CPAMD8: variants seen among roughly 807,000 people sequenced by gnomAD.
CPAMD8 encodes the protein C3 and PZP-like alpha-2-macroglobulin domain-containing protein 8.
Under a neutral mutation model 224.7 loss-of-function variants are expected in CPAMD8, and 146 were observed. That is an observed-to-expected ratio of 0.65 (90% CI 0.57 to 0.75). The LOEUF is 0.75. Among genes scored for constraint, CPAMD8 ranks in the 30% least tolerant of loss-of-function variants. CPAMD8 has a pLI of 0.00. For synonymous variants in CPAMD8, 966 were observed against 1,044.6 expected (o/e 0.92, Z 1.45); for missense variants, 2,301 against 2,537.5 (o/e 0.91, Z 2.00).
intron 2 of CPAMD8, 126 bp downstream of exon 2, chr19:17,021,903 TG>T: frequency 5.7e-6 from 2 of 350,736 alleles, no homozygotes; most frequent in Non-Finnish European, 5.7e-6. Context: ...CTCCCTCCCA[TG>T]CCCCTGGGGA....
At chr19:17,014,114 C>T (rs1181336949) in intron 3 of CPAMD8, among the ~76,000 whole-genome samples, 4 of 151,600 alleles carry the variant, frequency 2.6e-5, no homozygotes, top group African/African-American at 7.3e-5. Flanking sequence ...TCCAATGGTG[C>T]GATCAGAGCT....
chr19:16,954,841 G>A (rs939889439), intron 19 of CPAMD8, among the ~76,000 whole-genome samples: 1 of 152,016 alleles, frequency 6.6e-6, no homozygotes, highest in African/African-American at 2.4e-5. Flanking sequence ...AAATTAGCTA[G>A]GCATTGGCTG....
intron 13 of CPAMD8, among the ~76,000 whole-genome samples, chr19:16,984,297 G>A (rs2055629161): frequency 7.6e-6 from 1 of 130,896 alleles, no homozygotes; most frequent in Non-Finnish European, 1.5e-5. Context: ...CTGGGTGACA[G>A]AGCAAGGTCC....
chr19:16,894,812 T>G lies in CPAMD8; in HGVS notation c.5426+1364A>C, dbSNP rs1280645708. 4 of 259,744 alleles carry G rather than the reference T, an allele frequency of 1.5e-5. No individual in the cohort carries two copies. In the Admixed American group the frequency reaches 1.7e-4, roughly 11 times the overall value. 16.1% of individuals were successfully genotyped at this position (259,744 alleles called of 1,614,324 possible). On this transcript the variant is annotated intron_variant, in intron 41 of 41. Coordinates refer to ENST00000443236, the MANE Select transcript of CPAMD8 (RefSeq NM_015692.5). ...ATCCCAAAGCTTTGGGAGACTGAGA[T>G]GGGAGGATCACTTGAGCCCAGGAAT...
At chr19:17,012,350 C>CTTTCT (rs1555790833) in intron 3 of CPAMD8, among the ~76,000 whole-genome samples, 5 of 74,388 alleles carry the variant, frequency 6.7e-5, no homozygotes, top group African/African-American at 1.7e-4. Flanking sequence ...TTCTTTCTTT[C>CTTTCT]TTTTTTTTTT....
rs895696182 is a variant in CPAMD8, at chr19:16,962,271, C to T, written c.2214-4356G>A. 4.6e-5 allele frequency among the ~76,000 whole-genome samples: 7 copies of T among 152,254 alleles called. No homozygotes were observed. In the South Asian group the frequency reaches 6.2e-4, roughly 14 times the overall value. ...GCTAAAGGAGCACGTTCAAACCCAT[C>T]GCAAGGAAGCTAAAAACCTTGAATA... On this transcript the variant is annotated intron_variant, in intron 18 of 41. Transcript: ENST00000443236.
Position 17,002,284 on chromosome 19 carries a change from G to T in CPAMD8, c.740C>A (p.Thr247Lys), listed in dbSNP as rs199556504. The T allele has an allele frequency of 3.6e-5, 58 of 1,600,954 alleles. No individual in the cohort carries two copies. In the South Asian group the frequency reaches 4.1e-4, roughly 11 times the overall value. ...TTCTCACCTGGCCCGCACAGTGCCT[G>T]TCTCACAGGCGTCCAGGTCTTGGAT... ...RYIQDLDACE[T>K]GTVRARYTFG... The change falls in exon 9 of 42, where the codon ACA (threonine) becomes AAA (lysine). Residue 247 changes from threonine (T) to lysine (K), a missense_variant. By Grantham distance (78) the Thr-to-Lys change is moderately conservative (BLOSUM62 -1). Coordinates refer to ENST00000443236, the MANE Select transcript of CPAMD8 (RefSeq NM_015692.5).
intron 3 of CPAMD8, among the ~76,000 whole-genome samples, chr19:17,016,237 C>G (rs62126012): frequency 0.16 from 24,225 of 152,148 alleles, 2,035 homozygotes; most frequent in East Asian, 0.25. Flanking sequence ...TTACAGGCAC[C>G]AGTCACTGTG....
chr19:17,012,168 G>C (rs1476819719), intron 3 of CPAMD8, among the ~76,000 whole-genome samples: 2 of 151,836 alleles, frequency 1.3e-5, no homozygotes, highest in African/African-American at 4.8e-5. Flanking sequence ...ACAGGTGTGT[G>C]TCACCATGCC....
At chr19:16,986,156 G>A (rs2055711648) in intron 13 of CPAMD8, among the ~76,000 whole-genome samples, 1 of 152,124 alleles carries the variant, frequency 6.6e-6, no homozygotes, top group South Asian at 2.1e-4. Flanking sequence ...GATGTGGGGA[G>A]TGGAGCCCCC....
At chr19:16,991,966 T>G (rs1240755950) in intron 12 of CPAMD8, among the ~76,000 whole-genome samples, 2 of 151,868 alleles carry the variant, frequency 1.3e-5, no homozygotes, top group Non-Finnish European at 2.9e-5. Context: ...GAATGTCAAG[T>G]GGCAAGGCAG....
chr19:16,952,225 T>TG lies in CPAMD8; in HGVS notation c.2277-26dup, dbSNP rs368719509. 414 of 1,328,928 alleles carry TG rather than the reference T, an allele frequency of 3.1e-4. 2 individuals carry two copies. Among genetic ancestry groups the TG allele is most frequent in the Middle Eastern group, 2.9e-3 (12 of 4,186 alleles). The allele number at this position is 1,328,928 out of a possible 1,614,324, so 82.3% of individuals were successfully genotyped here. ...ACTGCGGAGAGACAGACAGCCATGA[T>TG]GGGGGGCCCTTCTCCAGGGCCATGC... On this transcript the variant is annotated intron_variant, in intron 19 of 41. Coordinates refer to ENST00000443236, the MANE Select transcript of CPAMD8 (RefSeq NM_015692.5).
Position 16,906,972 on chromosome 19 carries a change from C to T in CPAMD8, c.4007G>A (p.Arg1336His), listed in dbSNP as rs368863248. ...PAAPEALRKL[R>H]SLAIMRDGVT... The stretch of plus-strand genomic sequence containing the variant: ...CCTACCTCGCATGATGGCCAGGCTA[C>T]GGAGCTTGCGCAGTGCCTCAGGGGC... The change falls in exon 30 of 42, where the codon CGT becomes CAT. Residue 1336 changes from arginine to histidine, a missense_variant. By Grantham distance (29) the Arg-to-His change is conservative. Transcript: ENST00000443236. 12 of 1,592,626 alleles carry T rather than the reference C, an allele frequency of 7.5e-6. No homozygotes were observed. Among genetic ancestry groups the T allele is most frequent in the South Asian group, 2.3e-5 (2 of 87,104 alleles).
At chr19:16,955,296 G>GAA (rs57169828) in intron 19 of CPAMD8, among the ~76,000 whole-genome samples, 4 of 129,774 alleles carry the variant, frequency 3.1e-5, no homozygotes, top group Admixed American at 7.8e-5. Flanking sequence ...TCCATCTCAA[G>GAA]AAAAAAAAAA....
At chr19:16,906,407 T>TTTCTTTCCTTCC (rs1196710399) in intron 30 of CPAMD8, among the ~76,000 whole-genome samples, 14 of 69,890 alleles carry the variant, frequency 2.0e-4, no homozygotes, top group African/African-American at 5.8e-4. Context: ...TCTTTCTTTC[T>TTTCTTTCCTTCC]TTCCTTCCTT....
chr19:16,957,330 T>A (rs1169154731), intron 19 of CPAMD8, among the ~76,000 whole-genome samples: 1 of 152,234 alleles, frequency 6.6e-6, no homozygotes, highest in Non-Finnish European at 1.5e-5. Flanking sequence ...CCAGTGCCAC[T>A]TTTTACTAGT....
chr19:16,969,890 C>G (rs112129978), intron 18 of CPAMD8, among the ~76,000 whole-genome samples: 1 of 119,116 alleles, frequency 8.4e-6, no homozygotes, highest in African/African-American at 3.2e-5. Context: ...AAAAAAAAAA[C>G]AAAAACAACG....
intron 23 of CPAMD8, among the ~76,000 whole-genome samples, chr19:16,936,241 T>C (rs2053679746): frequency 6.6e-6 from 1 of 152,022 alleles, no homozygotes; most frequent in Non-Finnish European, 1.5e-5. Flanking sequence ...TTTTTAATCT[T>C]AGCCATTCTT....
chr19:16,989,411 C>T (rs564139540), intron 13 of CPAMD8, among the ~76,000 whole-genome samples: 15 of 152,160 alleles, frequency 9.9e-5, no homozygotes, highest in Admixed American at 3.3e-4. Flanking sequence ...CTCAGCCTCC[C>T]GAGTAGCTGG....
Sources: allele counts gnomAD v4.1 joint callset (sites outside exome capture counted in the v4.1 genomes callset), GRCh38; gene constraint gnomAD v4.1.1; transcripts MANE v1.5; gene names NCBI Gene and HGNC (gene_info 2026-07-23, HGNC 2026-07-21).